LIMCH1: variants seen among roughly 807,000 people sequenced by gnomAD.
LIMCH1 encodes the protein LIM and calponin homology domains 1.
A neutral mutation model predicts 176.5 loss-of-function variants in LIMCH1; 113 were observed. That is an observed-to-expected ratio of 0.64 (90% confidence interval 0.55 to 0.75). The LOEUF (loss-of-function observed/expected upper bound fraction) is 0.75, where lower values mean the gene tolerates loss of function less well. Ranked by LOEUF, LIMCH1 falls within the 30% of genes least tolerant of loss-of-function variation. The pLI is 0.00. For synonymous variants in LIMCH1, 619 were observed against 645.9 expected, an observed-to-expected ratio of 0.96 and a Z score of 0.63; for missense variants, 1,674 against 1,814.9, an observed-to-expected ratio of 0.92 and a Z score of 1.41.
chr4:41,631,077 G>A, intron 9 of LIMCH1, 71 bp from the exon 10 acceptor site: 1 of 960,604 alleles, frequency 1.0e-6, no homozygotes, highest in Non-Finnish European at 1.4e-6. Context: ...TTTTTTTTTT[G>A]TTTTTTTTTT....
intron 1 of LIMCH1, among the ~76,000 whole-genome samples, chr4:41,538,624 T>A (rs1226653768): frequency 6.6e-6 from 1 of 151,422 alleles, no homozygotes; most frequent in Non-Finnish European, 1.5e-5. Context: ...ACAAGACACA[T>A]AACTCCATTA....
intron 26 of LIMCH1, among the ~76,000 whole-genome samples, chr4:41,682,931 C>T (rs546211682): frequency 6.6e-6 from 1 of 152,282 alleles, no homozygotes; most frequent in Admixed American, 6.5e-5. Flanking sequence ...CCTGCCTCTA[C>T]CTCCTGAAGT....
Position 41,460,476 on chromosome 4 carries a change from A to C in LIMCH1, c.97-34060A>C, listed in dbSNP as rs28388275. Reference sequence around the variant, plus strand: ...TAATCATCTATATATATATATATATATATCTTATAATATCATGTTATAGAT... The same window carrying C: ...TAATCATCTATATATATATATATATCTATCTTATAATATCATGTTATAGAT... On this transcript the variant is annotated intron_variant, in intron 1 of 26. Transcript: ENST00000313860. Among the ~76,000 whole-genome samples the C allele has an allele frequency of 3.1e-3, 448 of 142,634 alleles. 25 individuals carry two copies. Among genetic ancestry groups the C allele is most frequent in the African/African-American group, 0.012 (431 of 36,778 alleles). The allele number at this position is 142,634 out of a possible 152,430, so 93.6% of individuals were successfully genotyped here. A position where few individuals can be genotyped will look rare whatever the true frequency, so the allele number is the denominator to read the frequency against.
At chr4:41,657,848 G>A (rs1310519717) in intron 18 of LIMCH1, among the ~76,000 whole-genome samples, 1 of 152,102 alleles carries the variant, frequency 6.6e-6, no homozygotes, top group African/African-American at 2.4e-5. Flanking sequence ...GGGCAGTTGG[G>A]TCCCCAGGAG....
intron 1 of LIMCH1, among the ~76,000 whole-genome samples, chr4:41,478,258 C>T (rs182444079): frequency 8.4e-4 from 128 of 152,292 alleles, no homozygotes; most frequent in East Asian, 3.9e-4. Context: ...TATTTTACCA[C>T]CCTGGAAGCA....
At chr4:41,599,406 CTG>C (rs1378038284) in intron 2 of LIMCH1, among the ~76,000 whole-genome samples, 1 of 152,168 alleles carries the variant, frequency 6.6e-6, no homozygotes, top group Non-Finnish European at 1.5e-5. Flanking sequence ...GATCTGAACT[CTG>C]TTATGCAAAG....
chr4:41,491,162 G>T (rs1307321112), intron 1 of LIMCH1, among the ~76,000 whole-genome samples: 5 of 151,094 alleles, frequency 3.3e-5, no homozygotes, highest in Non-Finnish European at 7.4e-5. Flanking sequence ...CCCAGACGGG[G>T]CGGCCGGGCA....
In LIMCH1 at chr4:41,426,017, C is replaced by CTTT. The variant is rs913325890; in HGVS notation, c.96+65101_96+65103dup. Among the ~76,000 whole-genome samples the CTTT allele has an allele frequency of 5.2e-3, 534 of 102,800 alleles. 7 individuals carry two copies. Among genetic ancestry groups the CTTT allele is most frequent in the African/African-American group, 9.9e-3 (263 of 26,480 alleles). 67.4% of individuals were successfully genotyped at this position (102,800 alleles called of 152,430 possible). On this transcript the variant is annotated intron_variant, in intron 1 of 26. Transcript: ENST00000313860. Reference sequence around the variant, plus strand: ...TGAAATCTGAGAGAGTGAAAAGATTCTTTTTTTTTTTTTTTTTTTTTTGAG... The same window carrying CTTT: ...TGAAATCTGAGAGAGTGAAAAGATTCTTTTTTTTTTTTTTTTTTTTTTTTTGAG...
chr4:41,510,362 T>A (rs182187614), intron 2 of LIMCH1, among the ~76,000 whole-genome samples: 1 of 152,306 alleles, frequency 6.6e-6, no homozygotes, highest in African/African-American at 2.4e-5. Context: ...CCTGTGGGGT[T>A]ACATGCTGGA....
chr4:41,453,761 A>G (rs1299037412), intron 1 of LIMCH1: 2 of 152,238 alleles, frequency 1.3e-5, no homozygotes, highest in Admixed American at 1.3e-4. Context: ...TCTTGCTTGT[A>G]TAACCTCTTC....
At chr4:41,551,326 G>A (rs1210398275) in intron 1 of LIMCH1, 3 of 152,172 alleles carry the variant, frequency 2.0e-5, no homozygotes, top group East Asian at 1.9e-4. Context: ...GCTAGGCTCA[G>A]AGATCCTTCC....
At chr4:41,602,367 G>A (rs1303890835) in intron 2 of LIMCH1, among the ~76,000 whole-genome samples, 1 of 152,088 alleles carries the variant, frequency 6.6e-6, no homozygotes. Flanking sequence ...CACATAATAG[G>A]TGGGAGTCAT....
At chr4:41,426,176 T>C (rs917309106) in intron 1 of LIMCH1, among the ~76,000 whole-genome samples, 2 of 151,138 alleles carry the variant, frequency 1.3e-5, no homozygotes, top group South Asian at 2.1e-4. Flanking sequence ...CGCCCGCCAC[T>C]ACGCCCGGCT....
chr4:41,573,109 G>A (rs1051271574), intron 1 of LIMCH1, among the ~76,000 whole-genome samples: 8 of 152,150 alleles, frequency 5.3e-5, no homozygotes, highest in South Asian at 2.1e-4. Flanking sequence ...GTTTACTGTC[G>A]TGTCTCCTCT....
chr4:41,575,406 T>A (rs2084295972), intron 1 of LIMCH1, among the ~76,000 whole-genome samples: 2 of 152,242 alleles, frequency 1.3e-5, no homozygotes, highest in South Asian at 2.1e-4. Context: ...TGAATTTTTT[T>A]AAACTGGATT....
intron 1 of LIMCH1, among the ~76,000 whole-genome samples, chr4:41,489,862 T>C (rs1045829723): frequency 6.6e-6 from 1 of 152,098 alleles, no homozygotes; most frequent in Admixed American, 6.5e-5. Flanking sequence ...TTACTAGCAG[T>C]CTACTGTTGA....
chr4:41,379,836 T>C (rs2154102514), intron 1 of LIMCH1, among the ~76,000 whole-genome samples: 1 of 152,320 alleles, frequency 6.6e-6, no homozygotes, highest in South Asian at 2.1e-4. Context: ...TCTCGCTGTG[T>C]TGCCCAGGCT....
At position 41,494,291 on chromosome 4, in the gene LIMCH1, T is replaced by A. The variant is rs528346878; in HGVS notation, c.97-245T>A. On this transcript the variant is annotated intron_variant, in intron 1 of 26. Coordinates refer to the LIMCH1 transcript ENST00000313860. The stretch of plus-strand genomic sequence containing the variant: ...TTTTTTCAAGATTATTGAAAAAAAA[T>A]TATATATATATAATTATATATATAC... Among the ~76,000 whole-genome samples, 4 of 149,060 alleles carry A rather than the reference T, an allele frequency of 2.7e-5. No homozygotes were observed. The East Asian group carries it at 7.8e-4, about 29-fold the overall frequency.
intron 22 of LIMCH1, among the ~76,000 whole-genome samples, chr4:41,675,593 C>T (rs1044525724): frequency 3.9e-5 from 6 of 151,976 alleles, no homozygotes; most frequent in Non-Finnish European, 8.8e-5. Flanking sequence ...CTGGGGCAGC[C>T]GACTTTAAAC....
Sources: allele counts gnomAD v4.1 joint callset (sites outside exome capture counted in the v4.1 genomes callset), GRCh38; gene constraint gnomAD v4.1.1; transcripts MANE v1.5; gene names NCBI Gene and HGNC (gene_info 2026-07-23, HGNC 2026-07-21).